The following TTC3 variants were observed in gnomAD, a reference collection of about 807,000 sequenced individuals.
The protein encoded by TTC3 is E3 ubiquitin-protein ligase TTC3.
TTC3 carries 180 observed loss-of-function variants against 249.6 expected under a neutral mutation model. The observed-to-expected ratio is 0.72, with a 90% CI of 0.64 to 0.82. TTC3 has a LOEUF of 0.82. Ranked by LOEUF, TTC3 falls within the 40% of genes least tolerant of loss-of-function variation. TTC3 has a pLI of 0.00. For synonymous variants in TTC3, 717 were observed against 805.0 expected (o/e 0.89, Z 1.85); for missense variants, 2,061 against 2,398.4 (o/e 0.86, Z 2.94).
exon 39 of TTC3, chr21:37,188,525 G>C (rs1385339975): frequency 2.5e-6 from 4 of 1,613,916 alleles, no homozygotes; most frequent in Non-Finnish European, 3.4e-6. Context: ...GAAGGAGAGT[G>C]AAGTGTATAA....
At chr21:37,127,848 C>G (rs1053522064) in intron 15 of TTC3, among the ~76,000 whole-genome samples, 3 of 152,122 alleles carry the variant, frequency 2.0e-5, no homozygotes, top group Non-Finnish European at 4.4e-5. Flanking sequence ...AGCACATTAG[C>G]GTAATGATAG....
chr21:37,083,688 A>G (rs927200755), intron 1 of TTC3: 9 of 152,294 alleles, frequency 5.9e-5, no homozygotes, highest in African/African-American at 2.2e-4. Flanking sequence ...AAAGAACTTC[A>G]TTTCATATGT....
chr21:37,192,111 G>T lies in TTC3; in HGVS notation c.5116-1G>T. On this transcript the variant is annotated splice_acceptor_variant, in intron 40 of 45. Transcript: ENST00000355666. LOFTEE classifies it high-confidence loss of function. Reference sequence around the variant, plus strand: ...TCCCACACTTTACTTTCTACTCACAGTCTCAGTTTGAAGAACAAATTAAGG... The same window carrying T: ...TCCCACACTTTACTTTCTACTCACATTCTCAGTTTGAAGAACAAATTAAGG... 1 of 1,587,290 alleles carries T rather than the reference G, an allele frequency of 6.3e-7. No homozygotes were observed. Among genetic ancestry groups the T allele is most frequent in the Non-Finnish European group, 8.6e-7 (1 of 1,165,808 alleles).
At chr21:37,089,845 G>C (rs904058669) in intron 5 of TTC3, among the ~76,000 whole-genome samples, 1 of 152,058 alleles carries the variant, frequency 6.6e-6, no homozygotes, top group Non-Finnish European at 1.5e-5. Context: ...TTAGCCGGGT[G>C]GTAGTGGCAC....
chr21:37,178,012 T>C (rs2082423501), intron 35 of TTC3, among the ~76,000 whole-genome samples: 1 of 152,172 alleles, frequency 6.6e-6, no homozygotes, highest in East Asian at 1.9e-4. Context: ...AACCACTGAT[T>C]TACTCTCTAG....
At chr21:37,135,162 CAG>C (rs1235035644) in intron 17 of TTC3, among the ~76,000 whole-genome samples, 1 of 152,186 alleles carries the variant, frequency 6.6e-6, no homozygotes, top group Non-Finnish European at 1.5e-5. Flanking sequence ...TCACAGGCAA[CAG>C]AAGAGGTGTT....
intron 18 of TTC3, among the ~76,000 whole-genome samples, chr21:37,136,697 T>G (rs2077970462): frequency 6.6e-6 from 1 of 152,196 alleles, no homozygotes; most frequent in South Asian, 2.1e-4. Context: ...TGCAGTAAGT[T>G]ATCGAGATCT....
At chr21:37,130,210 T>A (rs2147911366) in intron 16 of TTC3, among the ~76,000 whole-genome samples, 2 of 152,222 alleles carry the variant, frequency 1.3e-5, no homozygotes, top group Admixed American at 1.3e-4. Context: ...AAAATGACCA[T>A]TTTTGGATGC....
chr21:37,137,445 A>G (rs2078055968), intron 18 of TTC3, among the ~76,000 whole-genome samples: 1 of 152,156 alleles, frequency 6.6e-6, no homozygotes. Flanking sequence ...GGGGTTCAGG[A>G]CATTAGTGGA....
intron 1 of TTC3, among the ~76,000 whole-genome samples, chr21:37,079,105 C>A (rs925773124): frequency 3.9e-5 from 6 of 151,974 alleles, no homozygotes; most frequent in Admixed American, 2.6e-4. Flanking sequence ...TATATTCTTT[C>A]TTGAGATAAA....
chr21:37,148,484 T>C, intron 22 of TTC3, 62 bp from the exon 23 acceptor site: 1 of 795,226 alleles, frequency 1.3e-6, no homozygotes, highest in Non-Finnish European at 2.0e-6. Flanking sequence ...ATGTATGTTG[T>C]AGTGAGTGAG....
chr21:37,200,725 C>T (rs1199041767), intron 45 of TTC3, among the ~76,000 whole-genome samples: 1 of 152,176 alleles, frequency 6.6e-6, no homozygotes, highest in Non-Finnish European at 1.5e-5. Context: ...AGCTGAGTCC[C>T]TTCTGCCTGA....
At chr21:37,113,133 A>G (rs1224475940) in intron 11 of TTC3, among the ~76,000 whole-genome samples, 36 of 152,250 alleles carry the variant, frequency 2.4e-4, no homozygotes, top group Non-Finnish European at 4.3e-4. Flanking sequence ...AACTGGCACA[A>G]GACAGGGATG....
chr21:37,140,330 A>G (rs900332919), intron 19 of TTC3, among the ~76,000 whole-genome samples: 2 of 152,196 alleles, frequency 1.3e-5, no homozygotes, highest in Non-Finnish European at 2.9e-5. Context: ...TTATAGGTTG[A>G]TTGTCTGATG....
chr21:37,170,626 C>G (rs1055925626), intron 34 of TTC3, among the ~76,000 whole-genome samples: 1 of 152,114 alleles, frequency 6.6e-6, no homozygotes, highest in African/African-American at 2.4e-5. Flanking sequence ...ATCATGCTGT[C>G]ATTTAAAAAG....
At chr21:37,074,255 GAGTCTGGCCAGCTGCTCCGC>G (rs1169049589) in intron 1 of TTC3, among the ~76,000 whole-genome samples, 1 of 152,210 alleles carries the variant, frequency 6.6e-6, no homozygotes, top group Non-Finnish European at 1.5e-5. Context: ...GGACAGGATC[GAGTCTGGCCAGCTGCTCCGC>G]AGTGTTGACG....
chr21:37,116,543 T>C (rs2076155754), intron 11 of TTC3, among the ~76,000 whole-genome samples: 1 of 152,142 alleles, frequency 6.6e-6, no homozygotes, highest in Admixed American at 6.5e-5. Context: ...GCATGATGGC[T>C]CACACCTGTA....
intron 33 of TTC3, among the ~76,000 whole-genome samples, chr21:37,167,194 A>G (rs974048608): frequency 6.6e-6 from 1 of 152,224 alleles, no homozygotes; most frequent in Non-Finnish European, 1.5e-5. Flanking sequence ...AGCCAGGTAG[A>G]AACAAGAGGG....
intron 31 of TTC3, among the ~76,000 whole-genome samples, chr21:37,162,760 C>T (rs1276485587): frequency 6.6e-6 from 1 of 152,056 alleles, no homozygotes; most frequent in Non-Finnish European, 1.5e-5. Context: ...AACAATATAC[C>T]ATAAACTGGG....
Sources: gnomAD v4.1 joint callset for allele counts (sites outside exome capture counted in the v4.1 genomes callset) on GRCh38, gnomAD v4.1.1 for gene constraint, MANE v1.5 for transcripts, NCBI Gene and HGNC (gene_info 2026-07-23, HGNC 2026-07-21) for gene names.